Variants in ADAMTSL1 observed in about 807,000 individuals in gnomAD.
ADAMTSL1 encodes ADAMTS like 1, also known as ADAMTS-like protein 1.
Under a neutral mutation model 201.8 loss-of-function variants are expected in ADAMTSL1, and 126 were observed. The observed-to-expected ratio is 0.62, with a 90% CI of 0.54 to 0.72. The LOEUF (loss-of-function observed/expected upper bound fraction) is 0.72, where lower values mean the gene tolerates loss of function less well. Among genes scored for constraint, ADAMTSL1 ranks in the 30% least tolerant of loss-of-function variants. The pLI is 0.00. For synonymous variants in ADAMTSL1, 1,121 were observed against 903.4 expected (o/e 1.24, Z -4.32); for missense variants, 2,679 against 2,277.8 (o/e 1.18, Z -3.59).
chr9:18,816,210 G>C (rs1010433016), intron 20 of ADAMTSL1, among the ~76,000 whole-genome samples: 1 of 152,102 alleles, frequency 6.6e-6, no homozygotes, highest in Non-Finnish European at 1.5e-5. Context: ...AACTTCTTTA[G>C]ATTCTACATA....
In ADAMTSL1 at chr9:17,986,760, T is replaced by G. The variant is rs557103861; in HGVS notation, c.87+79838T>G. On this transcript the variant is annotated intron_variant, in intron 1 of 29. Coordinates refer to the ADAMTSL1 transcript ENST00000680146. The stretch of plus-strand genomic sequence containing the variant: ...ACTTATTTTAAACTCCAGGTGTGTA[T>G]GCAGTACTAGTATTTGGCCTTAAAA... Among the ~76,000 whole-genome samples the G allele has an allele frequency of 3.9e-5, 6 of 152,198 alleles. No individual in the cohort carries two copies. The East Asian group carries it at 1.2e-3, about 29-fold the overall frequency.
chr9:18,840,057 A>G (rs1345588151), intron 23 of ADAMTSL1, among the ~76,000 whole-genome samples: 1 of 147,302 alleles, frequency 6.8e-6, no homozygotes, highest in African/African-American at 2.5e-5. Flanking sequence ...CCATTTGTCA[A>G]TTTTGTCTTT....
chr9:18,902,615 G>T (rs1008192944), intron 26 of ADAMTSL1, among the ~76,000 whole-genome samples: 10 of 151,666 alleles, frequency 6.6e-5, no homozygotes, highest in Non-Finnish European at 1.2e-4. Flanking sequence ...AGTGCTAAGA[G>T]AAAATTTTAT....
intron 23 of ADAMTSL1, among the ~76,000 whole-genome samples, chr9:18,830,731 G>C (rs999942855): frequency 1.3e-5 from 2 of 152,188 alleles, no homozygotes; most frequent in African/African-American, 4.8e-5. Context: ...AGGCCTGGTG[G>C]GGGGGTGGGG....
intron 20 of ADAMTSL1, among the ~76,000 whole-genome samples, chr9:18,816,868 T>C (rs1220141390): frequency 1.3e-5 from 2 of 152,062 alleles, no homozygotes; most frequent in African/African-American, 4.8e-5. Flanking sequence ...TGATCAGATC[T>C]GGGCAATTAG....
At chr9:18,406,207 C>T (rs566709083) in intron 2 of ADAMTSL1, among the ~76,000 whole-genome samples, 2 of 152,128 alleles carry the variant, frequency 1.3e-5, no homozygotes, top group Non-Finnish European at 2.9e-5. Context: ...AATCACAGGG[C>T]CTTTGGTGAA....
chr9:18,563,902 T>C (rs904302888), intron 3 of ADAMTSL1, among the ~76,000 whole-genome samples: 1 of 152,212 alleles, frequency 6.6e-6, no homozygotes, highest in Non-Finnish European at 1.5e-5. Flanking sequence ...CAGACTGCTG[T>C]GCTGGCAGTG....
intron 2 of ADAMTSL1, among the ~76,000 whole-genome samples, chr9:18,262,013 A>T (rs564008561): frequency 6.6e-6 from 1 of 152,194 alleles, no homozygotes; most frequent in Non-Finnish European, 1.5e-5. Context: ...TGCAATTACA[A>T]TATGTATGGT....
chr9:18,794,496 A>G (rs1822252038), intron 19 of ADAMTSL1, among the ~76,000 whole-genome samples: 1 of 152,128 alleles, frequency 6.6e-6, no homozygotes, highest in Admixed American at 6.5e-5. Flanking sequence ...ATAGATGTAT[A>G]TATGACTACA....
At chr9:18,128,635 G>A (rs1825832194) in intron 1 of ADAMTSL1, among the ~76,000 whole-genome samples, 1 of 152,086 alleles carries the variant, frequency 6.6e-6, no homozygotes, top group Admixed American at 6.6e-5. Context: ...ATTGAGTATG[G>A]TACATGAATC....
At chr9:18,183,101 T>C (rs531462456) in intron 2 of ADAMTSL1, among the ~76,000 whole-genome samples, 5 of 152,206 alleles carry the variant, frequency 3.3e-5, no homozygotes, top group Non-Finnish European at 7.3e-5. Flanking sequence ...AACTGATCTT[T>C]GATAAAGGAG....
intron 1 of ADAMTSL1, among the ~76,000 whole-genome samples, chr9:18,104,761 T>A (rs1325190844): frequency 3.3e-5 from 5 of 152,130 alleles, no homozygotes; most frequent in African/African-American, 1.2e-4. Context: ...AACAATAATT[T>A]TAAAAGAGCT....
intron 2 of ADAMTSL1, among the ~76,000 whole-genome samples, chr9:18,295,978 T>C (rs1833464221): frequency 6.6e-6 from 1 of 152,218 alleles, no homozygotes. Flanking sequence ...CCTAGTATTA[T>C]GTGCCTCCTG....
In ADAMTSL1 at chr9:18,909,599, G is replaced by A. The variant is rs16937177; in HGVS notation, c.*1051G>A. ...AGGACCTTTGCTGCTCCACCGAAGG[G>A]CCAGGGACTATGGTTAACTTATCAA... On this transcript the variant is annotated 3_prime_UTR_variant, in exon 29 of 29. Coordinates refer to ENST00000380548, the MANE Select transcript of ADAMTSL1 (RefSeq NM_001040272.6). 19,491 of 152,196 alleles carry A rather than the reference G, an allele frequency of 0.13. 2,041 individuals carry two copies. The highest frequency in any genetic ancestry group is 0.29 in the African/African-American group (11,960 of 41,480). The allele number at this position is 152,196 out of a possible 1,614,324, so 9.4% of individuals were successfully genotyped here.
At chr9:18,595,674 C>A (rs557656149) in intron 4 of ADAMTSL1, among the ~76,000 whole-genome samples, 2 of 152,222 alleles carry the variant, frequency 1.3e-5, no homozygotes, top group African/African-American at 4.8e-5. Flanking sequence ...GGGCAAATTT[C>A]GGGTCCACTG....
chr9:18,848,375 G>A (rs373878667), intron 23 of ADAMTSL1, among the ~76,000 whole-genome samples: 9 of 152,158 alleles, frequency 5.9e-5, no homozygotes, highest in African/African-American at 9.7e-5. Flanking sequence ...GAAATATGGC[G>A]TGCTTAATCA....
intron 1 of ADAMTSL1, among the ~76,000 whole-genome samples, chr9:18,494,213 G>A (rs1403372387): frequency 5.9e-5 from 9 of 152,050 alleles, no homozygotes; most frequent in South Asian, 2.1e-4. Flanking sequence ...AAAATTACCC[G>A]GGCATGGTGG....
chr9:17,957,492 T>G (rs1243940503), intron 1 of ADAMTSL1, among the ~76,000 whole-genome samples: 2 of 152,184 alleles, frequency 1.3e-5, no homozygotes, highest in African/African-American at 4.8e-5. Context: ...TTCCATGATC[T>G]CTACTGCTTC....
chr9:18,667,344 T>G (rs1235195712), intron 9 of ADAMTSL1, among the ~76,000 whole-genome samples: 2 of 151,648 alleles, frequency 1.3e-5, no homozygotes, highest in East Asian at 3.9e-4. Flanking sequence ...TTAGAACAAG[T>G]GTTATGTGTA....
Sources: gnomAD v4.1 joint callset for allele counts (sites outside exome capture counted in the v4.1 genomes callset) on GRCh38, gnomAD v4.1.1 for gene constraint, MANE v1.5 for transcripts, NCBI Gene and HGNC (gene_info 2026-07-23, HGNC 2026-07-21) for gene names.